The following WDR19 variants were observed in gnomAD, a reference collection of about 807,000 sequenced individuals.
WDR19 encodes WD repeat-containing protein 19.
A neutral mutation model predicts 180.0 loss-of-function variants in WDR19; 121 were observed. The observed-to-expected ratio is 0.67, with a 90% CI of 0.58 to 0.78. The LOEUF (loss-of-function observed/expected upper bound fraction) is 0.78. WDR19 is among the 30% of genes least tolerant of loss of function. The probability of loss-of-function intolerance (pLI) is 0.00; values close to 1 mark genes in which losing one functional copy is unlikely to be tolerated. For missense variants in WDR19, 1,450 were observed against 1,640.7 expected, an observed-to-expected ratio of 0.88 and a Z score of 2.01; for synonymous variants, 497 against 540.7, an observed-to-expected ratio of 0.92 and a Z score of 1.12.
intron 24 of WDR19, among the ~76,000 whole-genome samples, chr4:39,248,514 A>AAT (rs2109420834): frequency 6.6e-6 from 1 of 152,362 alleles, no homozygotes; most frequent in Non-Finnish European, 1.5e-5. Context: ...ACTAATCTTA[A>AAT]ATATAAATGG....
chr4:39,218,258 C>T (rs1386522731), intron 14 of WDR19, 153 bp downstream of exon 14: 1 of 971,168 alleles, frequency 1.0e-6, no homozygotes, highest in African/African-American at 1.6e-5. Flanking sequence ...ATTCATGTGT[C>T]TCTTTGCAGT....
chr4:39,229,128 A>AT (rs1212485088), intron 17 of WDR19, among the ~76,000 whole-genome samples: 2 of 152,046 alleles, frequency 1.3e-5, no homozygotes, highest in East Asian at 3.9e-4. Context: ...ACATGATTTC[A>AT]TTTTTTTAAT....
chr4:39,283,510 A>C (rs940684565), intron 36 of WDR19, among the ~76,000 whole-genome samples: 2 of 151,720 alleles, frequency 1.3e-5, no homozygotes, highest in African/African-American at 4.8e-5. Flanking sequence ...TATTTGACTA[A>C]ATATTTTTTC....
At chr4:39,250,056 A>C (rs1487331262) in intron 24 of WDR19, among the ~76,000 whole-genome samples, 1 of 152,222 alleles carries the variant, frequency 6.6e-6, no homozygotes, top group East Asian at 1.9e-4. Context: ...AGAGAATTTT[A>C]GACCAATATC....
At chr4:39,232,051 A>C in intron 18 of WDR19, 95 bp downstream of exon 18, 1 of 1,541,774 alleles carries the variant, frequency 6.5e-7, no homozygotes, top group Non-Finnish European at 8.9e-7. Context: ...TTACCTCTTA[A>C]ACAAGTGAAT....
At chr4:39,266,500 T>G (rs1374259944) in intron 29 of WDR19, among the ~76,000 whole-genome samples, 1 of 152,244 alleles carries the variant, frequency 6.6e-6, no homozygotes, top group African/African-American at 2.4e-5. Flanking sequence ...GACAAGTTGA[T>G]CTAGACAGAC....
chr4:39,214,480 A>G (rs529465993), intron 9 of WDR19, 121 bp from the exon 10 acceptor site: 476 of 592,606 alleles, frequency 8.0e-4, no homozygotes, highest in Non-Finnish European at 1.3e-3. Context: ...CCAGTAGATC[A>G]TTCTGTACAT....
intron 7 of WDR19, among the ~76,000 whole-genome samples, chr4:39,204,407 A>T (rs891946431): frequency 7.2e-5 from 11 of 152,082 alleles, no homozygotes; most frequent in African/African-American, 2.7e-4. Context: ...TTTGGTTAAT[A>T]CTTAGATGCA....
At chr4:39,250,150 ATCAAGTGGGCT>A (rs57105466) in intron 24 of WDR19, among the ~76,000 whole-genome samples, 145,689 of 149,786 alleles carry the variant, frequency 0.97, 70,988 homozygotes, top group Middle Eastern at 1. Flanking sequence ...ATCCCCCATG[ATCAAGTGGGCT>A]TCAAGTGGGC....
intron 24 of WDR19, among the ~76,000 whole-genome samples, chr4:39,246,402 T>G (rs1325140291): frequency 1.3e-5 from 2 of 151,994 alleles, no homozygotes; most frequent in African/African-American, 4.8e-5. Context: ...TAGGAACAGC[T>G]CCAGTCTATA....
chr4:39,198,701 A>T (rs2109280204), intron 5 of WDR19, among the ~76,000 whole-genome samples: 1 of 151,894 alleles, frequency 6.6e-6, no homozygotes, highest in East Asian at 2.0e-4. Context: ...CCACATCTCT[A>T]CAAAAAATAC....
intron 20 of WDR19, among the ~76,000 whole-genome samples, chr4:39,235,144 A>G (rs1731252062): frequency 2.6e-5 from 4 of 152,012 alleles, no homozygotes; most frequent in Admixed American, 2.6e-4. Flanking sequence ...TTTTTTTAAT[A>G]GAGACAGGAT....
chr4:39,188,131 G>GT (rs1459121716), intron 3 of WDR19, among the ~76,000 whole-genome samples: 1 of 151,856 alleles, frequency 6.6e-6, no homozygotes. Context: ...AAATTGTAAA[G>GT]TTTTTTATAA....
chr4:39,266,530 C>T (rs747157620), intron 29 of WDR19, among the ~76,000 whole-genome samples: 22 of 152,170 alleles, frequency 1.4e-4, no homozygotes, highest in Non-Finnish European at 2.6e-4. Context: ...TGGAGGATAA[C>T]GTATATTCAC....
At chr4:39,249,297 G>A (rs1194449016) in intron 24 of WDR19, among the ~76,000 whole-genome samples, 13 of 152,080 alleles carry the variant, frequency 8.5e-5, no homozygotes, top group African/African-American at 2.4e-4. Context: ...TGAAACCAAC[G>A]AGAACAAAGA....
At chr4:39,216,990 T>A (rs1729133318) in intron 12 of WDR19, 144 bp from the exon 13 acceptor site, 1 of 586,942 alleles carries the variant, frequency 1.7e-6, no homozygotes, top group African/African-American at 1.9e-5. Context: ...AAGATTCAAT[T>A]TAATTATTTA....
chr4:39,230,195 A>G (rs900153444), intron 17 of WDR19, among the ~76,000 whole-genome samples: 1 of 152,118 alleles, frequency 6.6e-6, no homozygotes, highest in African/African-American at 2.4e-5. Flanking sequence ...CACCAGCTCA[A>G]CTGTCTCCAC....
In WDR19 at chr4:39,253,132, C is replaced by A; in HGVS notation, c.2730-14C>A. ...CAGTGTTAAAAAAAGTTTATCTGAG[C>A]TATTTTTTTACAGATACAAAGAAGC... is the stretch of plus-strand genomic sequence containing the variant. On this transcript the variant is annotated splice_polypyrimidine_tract_variant and intron_variant, in intron 24 of 36. Transcript: ENST00000399820. 6.4e-7 allele frequency: 1 copy of A among 1,557,836 alleles called. No homozygotes were observed. Among genetic ancestry groups the A allele is most frequent in the South Asian group, 1.3e-5 (1 of 79,212 alleles).
At chr4:39,242,218 C>T (rs999930271) in intron 21 of WDR19, among the ~76,000 whole-genome samples, 3 of 151,946 alleles carry the variant, frequency 2.0e-5, no homozygotes, top group Admixed American at 6.5e-5. Flanking sequence ...GTACATGCTA[C>T]CACACCCAGA....
Sources: allele counts gnomAD v4.1 joint callset (sites outside exome capture counted in the v4.1 genomes callset), GRCh38; gene constraint gnomAD v4.1.1; transcripts MANE v1.5; gene names NCBI Gene and HGNC (gene_info 2026-07-23, HGNC 2026-07-21).